PRKCE: variants seen among roughly 807,000 people sequenced by gnomAD.
PRKCE encodes the protein protein kinase C epsilon, also known as protein kinase C epsilon type.
PRKCE carries 16 observed loss-of-function variants against 85.4 expected under a neutral mutation model. The observed-to-expected ratio is 0.19, with a 90% CI of 0.13 to 0.28. The LOEUF (loss-of-function observed/expected upper bound fraction) is 0.28, where lower values mean the gene tolerates loss of function less well. Among genes scored for constraint, PRKCE ranks in the 10% least tolerant of loss-of-function variants. The probability of loss-of-function intolerance (pLI) is 1.00; values close to 1 mark genes in which losing one functional copy is unlikely to be tolerated. For missense variants in PRKCE, 573 were observed against 975.2 expected (o/e 0.59, Z 5.49); for synonymous variants, 388 against 371.5 (o/e 1.04, Z -0.51).
chr2:46,025,089 A>T (rs2104905554), intron 10 of PRKCE, among the ~76,000 whole-genome samples: 1 of 152,318 alleles, frequency 6.6e-6, no homozygotes, highest in East Asian at 1.9e-4. Context: ...AAAAAAACAA[A>T]TGTAGGTGTG....
rs568671319 is a variant in PRKCE, at chr2:46,088,227, C to T, written c.1592+1865C>T. 2.6e-5 allele frequency among the ~76,000 whole-genome samples: 4 copies of T among 152,282 alleles called. No homozygotes were observed. The South Asian group carries it at 8.3e-4, about 32-fold the overall frequency. On this transcript the variant is annotated intron_variant, in intron 11 of 14. Coordinates refer to ENST00000306156, the MANE Select transcript of PRKCE (RefSeq NM_005400.3). ...GCTACAGCTTCATATACCTTTCTCT[C>T]CTCACTTCCCACACCCCTTGTTTCG...
chr2:45,938,041 C>A (rs942014822), intron 2 of PRKCE, among the ~76,000 whole-genome samples: 4 of 152,178 alleles, frequency 2.6e-5, no homozygotes, highest in African/African-American at 9.7e-5. Context: ...CTCAGAGGGT[C>A]CCGACCCTTC....
intron 1 of PRKCE, among the ~76,000 whole-genome samples, chr2:45,695,454 G>A (rs1028411137): frequency 2.0e-5 from 3 of 152,150 alleles, no homozygotes; most frequent in Non-Finnish European, 4.4e-5. Flanking sequence ...AATCCTTGAA[G>A]AAATCCTAAA....
intron 2 of PRKCE, among the ~76,000 whole-genome samples, chr2:45,849,034 A>C (rs969187111): frequency 1.2e-4 from 18 of 152,230 alleles, no homozygotes; most frequent in Admixed American, 2.0e-4. Context: ...CTGGATAGAC[A>C]GGATAAGTTA....
chr2:45,724,965 A>T (rs1048311346), intron 1 of PRKCE, among the ~76,000 whole-genome samples: 4 of 152,246 alleles, frequency 2.6e-5, no homozygotes, highest in Admixed American at 6.5e-5. Context: ...ACCGCTGATG[A>T]AGGTGGCTAC....
At chr2:46,070,110 A>G (rs1667948963) in intron 10 of PRKCE, among the ~76,000 whole-genome samples, 1 of 152,200 alleles carries the variant, frequency 6.6e-6, no homozygotes, top group African/African-American at 2.4e-5. Context: ...AAAGCAGCCC[A>G]CTGTATGAAA....
intron 1 of PRKCE, among the ~76,000 whole-genome samples, chr2:45,730,112 C>T (rs1447156347): frequency 1.3e-5 from 2 of 152,162 alleles, no homozygotes; most frequent in Non-Finnish European, 2.9e-5. Flanking sequence ...GTCATGTTAC[C>T]ATAGACGCCA....
At chr2:46,099,293 C>G (rs1449996444) in intron 11 of PRKCE, among the ~76,000 whole-genome samples, 1 of 152,086 alleles carries the variant, frequency 6.6e-6, no homozygotes, top group South Asian at 2.1e-4. Flanking sequence ...CCCTTTCTAT[C>G]TCCTCAACAG....
chr2:45,835,148 T>G (rs1421182324), intron 1 of PRKCE, among the ~76,000 whole-genome samples: 1 of 152,236 alleles, frequency 6.6e-6, no homozygotes, highest in East Asian at 1.9e-4. Context: ...AGTCCTTTTA[T>G]TTTTAAAAAT....
intron 2 of PRKCE, among the ~76,000 whole-genome samples, chr2:45,918,539 A>G (rs1698005530): frequency 6.6e-6 from 1 of 152,228 alleles, no homozygotes; most frequent in South Asian, 2.1e-4. Context: ...CAATAAATGC[A>G]ATTGGAGGAG....
intron 10 of PRKCE, among the ~76,000 whole-genome samples, chr2:46,076,212 A>G (rs909689755): frequency 1.2e-4 from 19 of 152,218 alleles, no homozygotes; most frequent in African/African-American, 4.6e-4. Flanking sequence ...AGATGCTGCT[A>G]TTGTTCGTGG....
chr2:46,087,282 G>T (rs1226384864), intron 11 of PRKCE, among the ~76,000 whole-genome samples: 6 of 152,082 alleles, frequency 3.9e-5, no homozygotes, highest in Non-Finnish European at 7.4e-5. Flanking sequence ...AGGAGACCTG[G>T]ATCTTTGATT....
intron 6 of PRKCE, among the ~76,000 whole-genome samples, chr2:45,985,660 G>A (rs1703263371): frequency 6.6e-6 from 1 of 152,190 alleles, no homozygotes; most frequent in African/African-American, 2.4e-5. Flanking sequence ...GCTGCAGTGG[G>A]AATGAAGAGG....
At chr2:45,985,778 A>G (rs79427558) in intron 6 of PRKCE, among the ~76,000 whole-genome samples, 2,366 of 152,234 alleles carry the variant, frequency 0.016, 62 homozygotes, top group East Asian at 0.086. Flanking sequence ...AAGAGGGAGG[A>G]TAAGGTTGGA....
intron 2 of PRKCE, among the ~76,000 whole-genome samples, chr2:45,876,292 G>C (rs573724431): frequency 6.6e-6 from 1 of 152,240 alleles, no homozygotes; most frequent in East Asian, 1.9e-4. Flanking sequence ...TCTTTTATCA[G>C]AACACAAACC....
chr2:45,877,897 T>C (rs1358102325), intron 2 of PRKCE, among the ~76,000 whole-genome samples: 2 of 152,244 alleles, frequency 1.3e-5, no homozygotes, highest in African/African-American at 4.8e-5. Context: ...TCTCAAAATA[T>C]CAAAGAACAG....
At chr2:45,949,887 T>G (rs564805720) in intron 2 of PRKCE, among the ~76,000 whole-genome samples, 7,616 of 46,044 alleles carry the variant, frequency 0.17, 635 homozygotes, top group African/African-American at 0.38. Flanking sequence ...TTCTTTGTTG[T>G]TTTTTTTTTT....
rs117355442 is a variant in PRKCE at position 46,054,270 on chromosome 2, G to A, written c.1438-31938G>A. On this transcript the variant is annotated intron_variant, in intron 10 of 14. Transcript: ENST00000306156. ...TCACTTGCAGCTAGTGAGATGGGCAGTGTGGCTATGGGAGTGACCTCCCCA... is the reference window on the plus strand; with the variant it reads ...TCACTTGCAGCTAGTGAGATGGGCAATGTGGCTATGGGAGTGACCTCCCCA... Among the ~76,000 whole-genome samples, 7 of 152,380 alleles carry A rather than the reference G, an allele frequency of 4.6e-5. No individual in the cohort carries two copies. In the East Asian group the frequency reaches 7.7e-4, roughly 17 times the overall value.
chr2:46,080,800 G>A (rs563571290), intron 10 of PRKCE, among the ~76,000 whole-genome samples: 4 of 152,208 alleles, frequency 2.6e-5, no homozygotes, highest in Admixed American at 2.0e-4. Context: ...ACTATCCAAA[G>A]AACAAAAGAA....
Sources: allele counts gnomAD v4.1 joint callset (sites outside exome capture counted in the v4.1 genomes callset), GRCh38; gene constraint gnomAD v4.1.1; transcripts MANE v1.5; gene names NCBI Gene and HGNC (gene_info 2026-07-23, HGNC 2026-07-21).